ADAMTSL5: variants seen among roughly 807,000 people sequenced by gnomAD.
ADAMTSL5 encodes the protein ADAMTS like 5, also known as ADAMTS-like protein 5.
Under a neutral mutation model 51.7 loss-of-function variants are expected in ADAMTSL5, and 53 were observed. The ratio of observed to expected loss-of-function variants is 1.03; its 90% CI spans 0.82 to 1.29. The LOEUF is 1.29. Ranked by LOEUF, ADAMTSL5 falls within the 50% of genes most tolerant of loss-of-function variation. The pLI, the probability that ADAMTSL5 is intolerant of heterozygous loss-of-function variation, is 0.00. For missense variants in ADAMTSL5, 770 were observed against 676.2 expected (o/e 1.14, Z -1.54); for synonymous variants, 285 against 278.7 (o/e 1.02, Z -0.23).
chr19:1,508,482 G>T lies in ADAMTSL5; in HGVS notation c.450C>A (p.Ser150Arg). The T allele has an allele frequency of 6.3e-7, 1 of 1,584,488 alleles. No individual in the cohort carries two copies. The highest frequency in any genetic ancestry group is 1.7e-5 in the Admixed American group (1 of 58,236). Residue 150 changes from serine to arginine, a missense_variant, in exon 6 of 12, where the codon AGC becomes AGA. By Grantham distance (110) the Ser-to-Arg change is moderately radical. Coordinates refer to ENST00000330475, the MANE Select transcript of ADAMTSL5 (RefSeq NM_213604.3). ...CCACGCAGACCCCCTGGGCACCCGG[G>T]CTGCAGGCGGTGCCGTCCAGGACGC... ...FGRVLDGTAC[S>R]PGAQGVCVAG...
Position 1,507,379 on chromosome 19 carries a change from C to A in ADAMTSL5, c.715G>T (p.Val239Leu). 6.3e-7 allele frequency: 1 copy of A among 1,576,704 alleles called. No homozygotes were observed. The highest frequency in any genetic ancestry group is 1.2e-5 in the South Asian group (1 of 85,108). Reference protein sequence around the residue: ...LALMGGDGRYVLNGHWVVSPP... With the variant: ...LALMGGDGRYLLNGHWVVSPP... ...CTGACCACCCAGTGCCCATTAAGCA[C>A]GTAGCGCCCATCGCCCCCCATCAGT... Residue 239 changes from valine to leucine, a missense_variant, in exon 9 of 12, where the codon GTG becomes TTG. Physicochemically the swap from Val to Leu is conservative, Grantham distance 32 (BLOSUM62 1). Coordinates refer to ENST00000330475, the MANE Select transcript of ADAMTSL5 (RefSeq NM_213604.3).
chr19:1,511,667 C>G (rs1461123602), intron 1 of ADAMTSL5: 1 of 1,057,088 alleles, frequency 9.5e-7, no homozygotes, highest in African/African-American at 1.6e-5. Flanking sequence ...TCTCCCAGGC[C>G]TCAGTTTCCC....
chr19:1,510,859 C>G lies in ADAMTSL5; in HGVS notation c.85G>C (p.Gly29Arg). 1.3e-6 allele frequency: 2 copies of G among 1,542,912 alleles called. No individual in the cohort carries two copies. Among genetic ancestry groups the G allele is most frequent in the East Asian group, 2.5e-5 (1 of 40,720 alleles). The stretch of plus-strand genomic sequence containing the variant: ...CCCCCCCTTACCTGAGCACTGACCC[C>G]CAAACCACAGTTCAGCAGGGCCCAC... ...FLWALLNCGL[G>R]VSAQGPGEWT... Residue 29 changes from glycine (G) to arginine (R), a missense_variant, in exon 2 of 12, where the codon GGG becomes CGG. Coordinates refer to ENST00000330475, the MANE Select transcript of ADAMTSL5 (RefSeq NM_213604.3).
Position 1,506,150 on chromosome 19 carries a change from C to T in ADAMTSL5, c.1281G>A (p.Leu427=), listed in dbSNP as rs754136236. ...GGCTGACAAGACGCTGGACAGCCAT[C>T]AGGTAGTCCCGGTGGGGTGCCAGCA... ...CPMLAPHRDY[L]MAVQRLVSPD... is the part of the protein sequence containing the mutation. The change falls in exon 12 of 12, where the codon CTG becomes CTA. Residue 427 remains leucine, a synonymous_variant. Coordinates refer to ENST00000330475, the MANE Select transcript of ADAMTSL5 (RefSeq NM_213604.3). This position sits in a 1 kb window ranked among gnomAD's most constrained non-coding sequence, Gnocchi z 5.6. 3 of 1,608,558 alleles carry T rather than the reference C, an allele frequency of 1.9e-6. No homozygotes were observed. In the East Asian group the frequency reaches 6.7e-5, roughly 36 times the overall value.
chr19:1,508,573 G>A lies in ADAMTSL5; in HGVS notation c.362-3C>T. On this transcript the variant is annotated splice_region_variant and splice_polypyrimidine_tract_variant and intron_variant, in intron 5 of 11. Transcript: ENST00000330475. ...GTTGAGGTCGCACTGGTTGGGCGCT[G>A]AGGGCAGGAGGAGTCGGTGGGCCGG... 1.3e-6 allele frequency: 2 copies of A among 1,537,024 alleles called. No homozygotes were observed.
chr19:1,508,147 G>A (rs1241928909), intron 6 of ADAMTSL5, 38 bp from the exon 7 acceptor site: 11 of 1,562,862 alleles, frequency 7.0e-6, no homozygotes, highest in East Asian at 2.3e-5. Context: ...CACTGACGCT[G>A]GGAGGGGCAG....
chr19:1,511,833 G>A (rs1913277821), intron 1 of ADAMTSL5: 1 of 325,700 alleles, frequency 3.1e-6, no homozygotes, highest in Non-Finnish European at 6.2e-6. Flanking sequence ...AGACAGCAGG[G>A]AGTCCCCCGG....
chr19:1,506,492 CAGA>C lies in ADAMTSL5; in HGVS notation c.1114+95_1114+97del. The C allele has an allele frequency of 1.3e-6, 2 of 1,490,348 alleles. No individual in the cohort carries two copies. The highest frequency in any genetic ancestry group is 1.8e-6 in the Non-Finnish European group (2 of 1,086,922). The allele number at this position is 1,490,348 out of a possible 1,614,324, so 92.3% of individuals were successfully genotyped here. On this transcript the variant is annotated intron_variant, in intron 11 of 11. Transcript: ENST00000330475. The surrounding 1 kb of genome is among the most constrained non-coding windows in gnomAD (Gnocchi z 5.6). ...TTAGGGTCAAGAGGCAAATTAGGAT[CAGA>C]AGAAGGGGTCAAGGGTAAAGTCAGA... is the stretch of plus-strand genomic sequence containing the variant.
In ADAMTSL5 at chr19:1,506,169, G is replaced by A; in HGVS notation, c.1262C>T (p.Ala421Val). The A allele has an allele frequency of 6.2e-7, 1 of 1,609,038 alleles. No individual in the cohort carries two copies. Reference sequence around the variant, plus strand: ...AGCCATCAGGTAGTCCCGGTGGGGTGCCAGCATCGGGCAGGGGCAGTGGCC... The same window carrying A: ...AGCCATCAGGTAGTCCCGGTGGGGTACCAGCATCGGGCAGGGGCAGTGGCC... The part of the protein sequence containing the change: ...APGHCPCPML[A>V]PHRDYLMAVQ... Residue 421 changes from alanine to valine, a missense_variant, in exon 12 of 12, where the codon GCA becomes GTA. By Grantham distance (64) the Ala-to-Val change is moderately conservative (BLOSUM62 0). Transcript: ENST00000330475. This position sits in a 1 kb window ranked among gnomAD's most constrained non-coding sequence, Gnocchi z 5.6.
chr19:1,510,253 G>T lies in ADAMTSL5; in HGVS notation c.258C>A (p.Cys86Ter). ...CTCGGAAGGGCACAGCCCCTGGGGG[G>T]CAGTCCTAGGGACAGAGATAGGTGA... ...HEYRLCQLPD[C>*]PPGAVPFRDL... Residue 86 changes from cysteine to a stop codon, truncating the protein, a stop_gained, in exon 5 of 12, where the codon TGC (cysteine) becomes TGA (stop). Coordinates refer to ENST00000330475, the MANE Select transcript of ADAMTSL5 (RefSeq NM_213604.3). LOFTEE classifies it high-confidence loss of function. 6.2e-7 allele frequency: 1 copy of T among 1,613,240 alleles called. No homozygotes were observed. The highest frequency in any genetic ancestry group is 8.5e-7 in the Non-Finnish European group (1 of 1,179,796).
chr19:1,508,603 C>A, intron 5 of ADAMTSL5, 33 bp from the exon 6 acceptor site: 1 of 1,485,262 alleles, frequency 6.7e-7, no homozygotes, highest in Non-Finnish European at 8.9e-7. Context: ...GGCCGGGGAC[C>A]CCTGTTCGAG....
At chr19:1,509,727 C>CT (rs1425400172) in intron 5 of ADAMTSL5, among the ~76,000 whole-genome samples, 2 of 152,090 alleles carry the variant, frequency 1.3e-5, no homozygotes, top group East Asian at 3.9e-4. Context: ...ATGGATGGCA[C>CT]TTTGTCCATT....
At position 1,507,559 on chromosome 19, in the gene ADAMTSL5, A is replaced by T. The variant is rs768837897; in HGVS notation, c.686T>A (p.Leu229Gln). 1.2e-6 allele frequency: 2 copies of T among 1,613,360 alleles called. No homozygotes were observed. The highest frequency in any genetic ancestry group is 3.3e-5 in the Admixed American group (2 of 59,992). Residue 229 changes from leucine to glutamine, a missense_variant and splice_region_variant, in exon 8 of 12, where the codon CTG becomes CAG. Transcript: ENST00000330475. ...TCTCGCCTCACATCCTAGGATACCC[A>T]GGTGGTTGCGGCTCCTGTGTTCCAC... ...IRVEHRSRNHLALMGGDGRYV... is the reference protein window; with the variant it reads ...IRVEHRSRNHQALMGGDGRYV...
Position 1,508,116 on chromosome 19 carries a change from G to T in ADAMTSL5, c.490-7C>A. 1 of 1,604,554 alleles carries T rather than the reference G, an allele frequency of 6.2e-7. No individual in the cohort carries two copies. On this transcript the variant is annotated splice_region_variant and splice_polypyrimidine_tract_variant and intron_variant, in intron 6 of 11. Transcript: ENST00000330475. Reference sequence around the variant, plus strand: ...ACCCATCACAGCCGGCGCTCTAAAGGGTGAAGGACAGGCGCGGCGTCACTG... The same window carrying T: ...ACCCATCACAGCCGGCGCTCTAAAGTGTGAAGGACAGGCGCGGCGTCACTG...
At position 1,508,076 on chromosome 19, in the gene ADAMTSL5, C is replaced by A; in HGVS notation, c.523G>T (p.Ala175Ser). Residue 175 changes from alanine to serine, a missense_variant, in exon 7 of 12, where the codon GCC becomes TCC. Ala to Ser is a moderately conservative substitution (Grantham distance 99, BLOSUM62 1). Transcript: ENST00000330475. Reference protein sequence around the residue: ...AGCDGLLGSGALEDRCGRCGG... With the variant: ...AGCDGLLGSGSLEDRCGRCGG... Reference sequence around the variant, plus strand: ...CAGCGGCCACAGCGGTCCTCGAGGGCACCCGAGCCCAACAACCCATCACAG... The same window carrying A: ...CAGCGGCCACAGCGGTCCTCGAGGGAACCCGAGCCCAACAACCCATCACAG... 6.2e-7 allele frequency: 1 copy of A among 1,610,482 alleles called. No individual in the cohort carries two copies.
chr19:1,508,758 G>C (rs56135389), intron 5 of ADAMTSL5, 188 bp from the exon 6 acceptor site: 147,253 of 607,700 alleles, frequency 0.24, 24,173 homozygotes, highest in East Asian at 0.81. Flanking sequence ...CCTGGGACTC[G>C]CAGGCAAGTA....
At chr19:1,511,829 C>G (rs1913277724) in intron 1 of ADAMTSL5, 1 of 324,760 alleles carries the variant, frequency 3.1e-6, no homozygotes, top group Admixed American at 3.8e-5. Context: ...TCCCAGACAG[C>G]AGGGAGTCCC....
In ADAMTSL5 at chr19:1,505,804, T is replaced by C; in HGVS notation, c.*211A>G. On this transcript the variant is annotated 3_prime_UTR_variant, in exon 12 of 12. Transcript: ENST00000330475. The stretch of plus-strand genomic sequence containing the variant: ...GAAATAAAAGTCAGAGTCTCCTTAG[T>C]GCCTCCTCACCAGTGCCTGCCGGCT... 1 of 545,372 alleles carries C rather than the reference T, an allele frequency of 1.8e-6. No individual in the cohort carries two copies. Among genetic ancestry groups the C allele is most frequent in the Non-Finnish European group, 3.0e-6 (1 of 328,446 alleles). 33.8% of individuals were successfully genotyped at this position (545,372 alleles called of 1,614,324 possible). A position where few individuals can be genotyped will look rare whatever the true frequency, so the allele number is the denominator to read the frequency against.
chr19:1,509,254 CAAAAAAA>C lies in ADAMTSL5; in HGVS notation c.362-691_362-685del, dbSNP rs753778097. On this transcript the variant is annotated intron_variant, in intron 5 of 11. Coordinates refer to ENST00000330475, the MANE Select transcript of ADAMTSL5 (RefSeq NM_213604.3). ...TGGGTGACAGAGCGAGACTCCATCT[CAAAAAAA>C]AAAAAAAAAAAAAAAAAAGAAGATC... Among the ~76,000 whole-genome samples, 42 of 49,552 alleles carry C rather than the reference CAAAAAAA, an allele frequency of 8.5e-4. 2 individuals carry two copies. The South Asian group carries it at 0.028, about 33-fold the overall frequency. The allele number at this position is 49,552 out of a possible 152,430, so 32.5% of individuals were successfully genotyped here.
Sources: gnomAD v4.1 joint callset for allele counts (sites outside exome capture counted in the v4.1 genomes callset) on GRCh38, gnomAD v4.1.1 for gene constraint, Gnocchi (gnomAD v3.1) non-coding constraint, MANE v1.5 for transcripts, NCBI Gene and HGNC (gene_info 2026-07-23, HGNC 2026-07-21) for gene names.